RPSA2: variants seen among roughly 807,000 people sequenced by gnomAD.
RPSA2 encodes the protein ribosomal protein SA 2, also known as small ribosomal subunit protein uS2B.
chr19:23,820,097 C>A, the RPSA2 span, among the ~76,000 whole-genome samples: 1 of 152,160 alleles, frequency 6.6e-6, no homozygotes, highest in Non-Finnish European at 1.5e-5. Context: ...TTTCAATATC[C>A]CCCTGCTTGG....
chr19:23,838,709 G>A, the RPSA2 span, among the ~76,000 whole-genome samples: 31 of 152,006 alleles, frequency 2.0e-4, no homozygotes, highest in African/African-American at 7.0e-4. Flanking sequence ...TCTCTTCTAT[G>A]TTTTCTAGCT....
the RPSA2 span, among the ~76,000 whole-genome samples, chr19:23,867,142 G>A: frequency 2.9e-4 from 44 of 152,006 alleles, 2 homozygotes; most frequent in South Asian, 7.3e-3. Flanking sequence ...CACCTGTTTG[G>A]TACAAATTAA....
At chr19:23,766,033 T>A in the RPSA2 span, among the ~76,000 whole-genome samples, 3 of 151,870 alleles carry the variant, frequency 2.0e-5, no homozygotes, top group Admixed American at 2.0e-4. Context: ...GCCACTAACA[T>A]AGCAGTGGGA....
chr19:23,857,935 C>A, the RPSA2 span, among the ~76,000 whole-genome samples: 1 of 152,000 alleles, frequency 6.6e-6, no homozygotes, highest in African/African-American at 2.4e-5. Context: ...CTGATTTCTG[C>A]ACATCTGGAG....
At chr19:23,852,764 T>A in the RPSA2 span, among the ~76,000 whole-genome samples, 3 of 152,232 alleles carry the variant, frequency 2.0e-5, no homozygotes, top group African/African-American at 7.2e-5. Context: ...TATGGCCAGA[T>A]TTTGGGGGGC....
the RPSA2 span, among the ~76,000 whole-genome samples, chr19:23,829,463 G>A: frequency 1.3e-5 from 2 of 152,032 alleles, no homozygotes; most frequent in African/African-American, 2.4e-5. Context: ...CACCATGCCT[G>A]GCTAATTTTG....
the RPSA2 span, among the ~76,000 whole-genome samples, chr19:23,825,005 A>T: frequency 6.6e-6 from 1 of 151,056 alleles, no homozygotes; most frequent in Non-Finnish European, 1.5e-5. Context: ...TTTGAGATGG[A>T]GTCTCGCTCT....
At chr19:23,868,275 T>G in the RPSA2 span, among the ~76,000 whole-genome samples, 311 of 152,330 alleles carry the variant, frequency 2.0e-3, 2 homozygotes, top group Non-Finnish European at 3.1e-3. Flanking sequence ...GTGCCTTCTA[T>G]TAATCAGAGA....
chr19:23,839,658 G>T, the RPSA2 span, among the ~76,000 whole-genome samples: 1 of 152,190 alleles, frequency 6.6e-6, no homozygotes, highest in Non-Finnish European at 1.5e-5. Context: ...ATGAAGTTCA[G>T]CTAGGGAAAT....
the RPSA2 span, among the ~76,000 whole-genome samples, chr19:23,815,725 A>G: frequency 2.6e-5 from 4 of 152,176 alleles, no homozygotes; most frequent in Admixed American, 2.6e-4. Context: ...TGAATTTTCT[A>G]TTTATTATTA....
At chr19:23,809,534 TTTCA>T in the RPSA2 span, 2 of 152,120 alleles carry the variant, frequency 1.3e-5, no homozygotes, top group Non-Finnish European at 2.9e-5. Flanking sequence ...CTCTAATTTT[TTTCA>T]TTGATATATC....
the RPSA2 span, among the ~76,000 whole-genome samples, chr19:23,829,015 T>G: frequency 2.0e-5 from 3 of 152,008 alleles, no homozygotes; most frequent in Non-Finnish European, 4.4e-5. Context: ...TTTTTTGATG[T>G]CCTTCTTTGT....
At chr19:23,801,308 C>T in the RPSA2 span, among the ~76,000 whole-genome samples, 148,748 of 152,068 alleles carry the variant, frequency 0.98, 72,843 homozygotes, top group Middle Eastern at 1. Context: ...GGCGTGATCT[C>T]GGCTCACTGC....
At chr19:23,758,926 G>A in the RPSA2 span, 7 of 754,472 alleles carry the variant, frequency 9.3e-6, no homozygotes, top group Non-Finnish European at 1.5e-5. Context: ...CGCCCTGTCT[G>A]CTCCAGCTGC....
the RPSA2 span, among the ~76,000 whole-genome samples, chr19:23,777,595 T>C: frequency 7.3e-6 from 1 of 137,676 alleles, no homozygotes; most frequent in Non-Finnish European, 1.6e-5. Flanking sequence ...CTTTGTGGCC[T>C]GTCTTCTGGT....
At chr19:23,851,487 G>A in the RPSA2 span, among the ~76,000 whole-genome samples, 2 of 152,116 alleles carry the variant, frequency 1.3e-5, no homozygotes, top group African/African-American at 4.8e-5. Flanking sequence ...TGTCTACATT[G>A]GTGAACCACC....
At chr19:23,853,897 G>A in the RPSA2 span, among the ~76,000 whole-genome samples, 2 of 152,152 alleles carry the variant, frequency 1.3e-5, no homozygotes, top group African/African-American at 4.8e-5. Flanking sequence ...TAAGCCAGGA[G>A]GAAGGCCTTA....
At chr19:23,867,784 T>C in the RPSA2 span, among the ~76,000 whole-genome samples, 3 of 148,612 alleles carry the variant, frequency 2.0e-5, no homozygotes, top group East Asian at 2.0e-4. Context: ...GAGCAGAGAT[T>C]GCGCCACTGC....
the RPSA2 span, among the ~76,000 whole-genome samples, chr19:23,801,956 C>A: frequency 6.6e-6 from 1 of 152,086 alleles, no homozygotes; most frequent in Non-Finnish European, 1.5e-5. Context: ...TTTGATTGTA[C>A]TCGCTGTAAC....
Sources: allele counts gnomAD v4.1 joint callset (sites outside exome capture counted in the v4.1 genomes callset), GRCh38; gene constraint gnomAD v4.1.1; transcripts MANE v1.5; gene names NCBI Gene and HGNC (gene_info 2026-07-23, HGNC 2026-07-21).